STK38: variants seen among roughly 807,000 people sequenced by gnomAD.
The protein encoded by STK38 is serine/threonine-protein kinase 38.
In STK38, 26 loss-of-function variants were observed where a neutral mutation model predicts 59.0. The observed-to-expected ratio is 0.44, with a 90% CI of 0.32 to 0.61. The LOEUF is 0.61. Among genes scored for constraint, STK38 ranks in the 20% least tolerant of loss-of-function variants. STK38 has a pLI of 0.04. For missense variants in STK38, 433 were observed against 566.0 expected (o/e 0.76, Z 2.38); for synonymous variants, 175 against 176.6 (o/e 0.99, Z 0.07).
At chr6:36,509,151 T>C (rs1777041053) in intron 7 of STK38, among the ~76,000 whole-genome samples, 1 of 152,216 alleles carries the variant, frequency 6.6e-6, no homozygotes, top group African/African-American at 2.4e-5. Flanking sequence ...TCCCAGGTTC[T>C]TGTCCTGCAT....
chr6:36,536,809 T>C (rs1288606298), intron 2 of STK38, among the ~76,000 whole-genome samples: 1 of 152,040 alleles, frequency 6.6e-6, no homozygotes, highest in Non-Finnish European at 1.5e-5. Flanking sequence ...GTGCTGGGAT[T>C]ACAGGTGTGA....
Position 36,507,554 on chromosome 6 carries a change from C to G in STK38, c.718G>C (p.Ala240Pro). ...DFGLCTGLKK[A>P]HRTEFYRNLN... ...TTCCTATAAAATTCTGTCCTATGTG[C>G]TTTTTTCAGTCCTGTGCAAAGACCA... is the stretch of plus-strand genomic sequence containing the variant. The change falls in exon 8 of 14, where the codon GCA (alanine) becomes CCA (proline). Residue 240 changes from alanine (A) to proline (P), a missense_variant. By Grantham distance (27) the Ala-to-Pro change is conservative (BLOSUM62 -1). Coordinates refer to ENST00000229812, the MANE Select transcript of STK38 (RefSeq NM_007271.4). 6.2e-7 allele frequency: 1 copy of G among 1,614,028 alleles called. No individual in the cohort carries two copies. Among genetic ancestry groups the G allele is most frequent in the Non-Finnish European group, 8.5e-7 (1 of 1,179,966 alleles).
At chr6:36,504,486 A>G (rs1426622402) in intron 9 of STK38, among the ~76,000 whole-genome samples, 1 of 152,176 alleles carries the variant, frequency 6.6e-6, no homozygotes, top group African/African-American at 2.4e-5. Context: ...ATCACTAACA[A>G]AAGGTCAAAG....
At chr6:36,523,037 T>TCCC (rs1251584211) in intron 4 of STK38, among the ~76,000 whole-genome samples, 1 of 152,038 alleles carries the variant, frequency 6.6e-6, no homozygotes, top group Non-Finnish European at 1.5e-5. Context: ...CTGCATGTCC[T>TCCC]CCCCTCTTCT....
intron 2 of STK38, among the ~76,000 whole-genome samples, chr6:36,527,207 A>AAAAAAAAAAAAAATATATAT (rs60162863): frequency 7.5e-5 from 9 of 119,356 alleles, no homozygotes; most frequent in African/African-American, 3.2e-4. Context: ...AAAAAAAAAA[A>AAAAAAAAAAAAAATATATAT]ATATATGTAT....
intron 9 of STK38, among the ~76,000 whole-genome samples, chr6:36,501,315 G>A (rs1227386739): frequency 1.3e-5 from 2 of 152,076 alleles, no homozygotes; most frequent in Non-Finnish European, 2.9e-5. Context: ...AAAATAAGAG[G>A]AGAAAGTACA....
intron 10 of STK38, among the ~76,000 whole-genome samples, chr6:36,499,151 C>A (rs1389795367): frequency 6.6e-6 from 1 of 152,110 alleles, no homozygotes; most frequent in Admixed American, 6.5e-5. Flanking sequence ...AAGGATGAAA[C>A]AATATCATTC....
chr6:36,515,020 G>A (rs971392816), intron 7 of STK38, among the ~76,000 whole-genome samples: 5 of 152,024 alleles, frequency 3.3e-5, no homozygotes, highest in Admixed American at 2.6e-4. Flanking sequence ...GATAGGTGAT[G>A]TATTAGTAAC....
At chr6:36,510,761 AC>A (rs1777089707) in intron 7 of STK38, among the ~76,000 whole-genome samples, 1 of 152,214 alleles carries the variant, frequency 6.6e-6, no homozygotes, top group South Asian at 2.1e-4. Flanking sequence ...ACCACACATC[AC>A]AGACTCAGAG....
intron 2 of STK38, among the ~76,000 whole-genome samples, chr6:36,533,216 T>C (rs751047849): frequency 6.6e-5 from 10 of 152,296 alleles, no homozygotes; most frequent in Non-Finnish European, 1.2e-4. Context: ...GGCACAATCA[T>C]AGCTCACTGC....
Position 36,500,010 on chromosome 6 carries a change from T to A in STK38, c.835-20A>T, listed in dbSNP as rs1161367204. On this transcript the variant is annotated intron_variant, in intron 9 of 13. Coordinates refer to ENST00000229812, the MANE Select transcript of STK38 (RefSeq NM_007271.4). Reference sequence around the variant, plus strand: ...GAAGGCCTGAAACATGGACCACACATCAGCGAGGCCCAGCCAGGCAGGAGG... The same window carrying A: ...GAAGGCCTGAAACATGGACCACACAACAGCGAGGCCCAGCCAGGCAGGAGG... 2 of 1,594,526 alleles carry A rather than the reference T, an allele frequency of 1.3e-6. No individual in the cohort carries two copies. The highest frequency in any genetic ancestry group is 1.7e-6 in the Non-Finnish European group (2 of 1,162,690).
intron 1 of STK38, among the ~76,000 whole-genome samples, chr6:36,540,957 G>A (rs762566061): frequency 1.1e-4 from 16 of 151,834 alleles, no homozygotes; most frequent in Non-Finnish European, 1.6e-4. Flanking sequence ...GGAGTGCAGT[G>A]GCGCGATCTC....
chr6:36,499,795 A>G, intron 10 of STK38, 78 bp downstream of exon 10: 2 of 1,183,562 alleles, frequency 1.7e-6, no homozygotes, highest in African/African-American at 1.5e-5. Context: ...ATCACTGCCA[A>G]TTGAAACAGA....
At chr6:36,525,501 C>T in intron 3 of STK38, 90 bp downstream of exon 3, 5 of 1,242,452 alleles carry the variant, frequency 4.0e-6, no homozygotes, top group Non-Finnish European at 5.8e-6. Context: ...AGCCAAAACC[C>T]TTCTCATGTG....
rs567247501 is a variant in STK38, at chr6:36,540,666, G to C, written c.-5-459C>G. Among the ~76,000 whole-genome samples, 25 of 151,938 alleles carry C rather than the reference G, an allele frequency of 1.6e-4. No individual in the cohort carries two copies. The South Asian group carries it at 5.0e-3, about 30-fold the overall frequency. On this transcript the variant is annotated intron_variant, in intron 1 of 13. Coordinates refer to ENST00000229812, the MANE Select transcript of STK38 (RefSeq NM_007271.4). ...TTTGAGATGGAGTTTCGCTCTTGTT[G>C]CCCAGGCTGGAGTGCGACAGGATGA...
chr6:36,541,189 C>T (rs967741344), intron 1 of STK38, among the ~76,000 whole-genome samples: 3 of 152,172 alleles, frequency 2.0e-5, no homozygotes, highest in Non-Finnish European at 2.9e-5. Flanking sequence ...CGTGAGCCAC[C>T]GTGCCCAGCC....
chr6:36,524,534 T>C, intron 3 of STK38, 71 bp from the exon 4 acceptor site: 5 of 1,498,578 alleles, frequency 3.3e-6, no homozygotes, highest in South Asian at 1.3e-5. Flanking sequence ...CAAGTCATGT[T>C]TGTGACTTAC....
Position 36,494,350 on chromosome 6 carries a change from C to A in STK38, c.*1434G>T, listed in dbSNP as rs1306942089. On this transcript the variant is annotated 3_prime_UTR_variant, in exon 14 of 14. Coordinates refer to ENST00000229812, the MANE Select transcript of STK38 (RefSeq NM_007271.4). ...CCTCAAGACTGGCAGAAAGCAGGCT[C>A]CCAGCTGCAGCTCGGCCACAATACT... is the stretch of plus-strand genomic sequence containing the variant. 2 of 152,684 alleles carry A rather than the reference C, an allele frequency of 1.3e-5. No individual in the cohort carries two copies. The highest frequency in any genetic ancestry group is 3.8e-4 in the East Asian group (2 of 5,204). 9.5% of individuals were successfully genotyped at this position (152,684 alleles called of 1,614,324 possible).
intron 2 of STK38, among the ~76,000 whole-genome samples, chr6:36,532,307 C>CAAAAAA (rs1491440893): frequency 9.7e-6 from 1 of 103,552 alleles, no homozygotes; most frequent in African/African-American, 3.7e-5. Context: ...ACCTTGTCTG[C>CAAAAAA]ATAAAAAAAA....
Sources: allele counts gnomAD v4.1 joint callset (sites outside exome capture counted in the v4.1 genomes callset), GRCh38; gene constraint gnomAD v4.1.1; transcripts MANE v1.5; gene names NCBI Gene and HGNC (gene_info 2026-07-23, HGNC 2026-07-21).